The following FBXO41 variants were observed in gnomAD, a reference collection of about 807,000 sequenced individuals.
The protein encoded by FBXO41 is F-box protein 41.
Under a neutral mutation model 81.6 loss-of-function variants are expected in FBXO41, and 33 were observed. That is an observed-to-expected ratio of 0.40 (90% CI 0.31 to 0.54). FBXO41 has a LOEUF of 0.54. Ranked by LOEUF, FBXO41 falls within the 20% of genes least tolerant of loss-of-function variation. FBXO41 has a pLI of 0.39. For missense variants in FBXO41, 1,107 were observed against 1,236.0 expected (o/e 0.90, Z 1.56); for synonymous variants, 576 against 552.7 (o/e 1.04, Z -0.59).
At chr2:73,281,448 C>T (rs1688845067) in intron 1 of FBXO41, among the ~76,000 whole-genome samples, 1 of 152,192 alleles carries the variant, frequency 6.6e-6, no homozygotes, top group Non-Finnish European at 1.5e-5. Context: ...ATGTGCTCTC[C>T]TCCCACACTG....
rs1687862676 is a variant in FBXO41, at chr2:73,257,628, G to T, written c.*1354C>A. Reference sequence around the variant, plus strand: ...CGAAAGAACTTTCCAAATGAAAGTTGGCAGGACCCCCGGCCTCTGAGCTAC... The same window carrying T: ...CGAAAGAACTTTCCAAATGAAAGTTTGCAGGACCCCCGGCCTCTGAGCTAC... On this transcript the variant is annotated 3_prime_UTR_variant, in exon 13 of 13. Coordinates refer to ENST00000520530, the MANE Select transcript of FBXO41 (RefSeq NM_001371389.2). The surrounding 1 kb of genome is among the most constrained non-coding windows in gnomAD (Gnocchi z 4.6). 6.6e-6 allele frequency: 1 copy of T among 152,250 alleles called. No homozygotes were observed. The highest frequency in any genetic ancestry group is 1.5e-5 in the Non-Finnish European group (1 of 68,072). 9.4% of individuals were successfully genotyped at this position (152,250 alleles called of 1,614,324 possible). A position where few individuals can be genotyped will look rare whatever the true frequency, so the allele number is the denominator to read the frequency against.
chr2:73,263,089 C>G, intron 9 of FBXO41, 124 bp downstream of exon 9: 1 of 738,884 alleles, frequency 1.4e-6, no homozygotes, highest in Non-Finnish European at 2.1e-6. Context: ...CCTCAATGGA[C>G]AGATTAATGT....
chr2:73,254,969 C>CA lies in FBXO41; in HGVS notation c.*4012_*4013insT, dbSNP rs1687753725. 1 of 152,688 alleles carries CA rather than the reference C, an allele frequency of 6.5e-6. No individual in the cohort carries two copies. Among genetic ancestry groups the CA allele is most frequent in the African/African-American group, 2.4e-5 (1 of 41,462 alleles). 9.5% of individuals were successfully genotyped at this position (152,688 alleles called of 1,614,324 possible). A position where few individuals can be genotyped will look rare whatever the true frequency, so the allele number is the denominator to read the frequency against. On this transcript the variant is annotated 3_prime_UTR_variant, in exon 13 of 13. Transcript: ENST00000520530. ...TGTGCTTGGGGCTGGGGAAGCTACC[C>CA]TCTCACTCAGGCCCATTATAGCCTA...
At position 73,269,536 on chromosome 2, in the gene FBXO41, C is replaced by T; in HGVS notation, c.95G>A (p.Ser32Asn). 1.5e-6 allele frequency: 2 copies of T among 1,370,310 alleles called. No individual in the cohort carries two copies. The highest frequency in any genetic ancestry group is 1.9e-6 in the Non-Finnish European group (2 of 1,052,374). 84.9% of individuals were successfully genotyped at this position (1,370,310 alleles called of 1,614,324 possible). A position where few individuals can be genotyped will look rare whatever the true frequency, so the allele number is the denominator to read the frequency against. Residue 32 changes from serine to asparagine, a missense_variant, in exon 2 of 13, where the codon AGC (serine) becomes AAC (asparagine). This residue lies in a region of FBXO41 where 771 missense variants were observed against 789.2 expected (regional missense o/e 0.98). Coordinates refer to ENST00000520530, the MANE Select transcript of FBXO41 (RefSeq NM_001371389.2). The surrounding 1 kb of genome is among the most constrained non-coding windows in gnomAD (Gnocchi z 7.0). ...GATGTAGAGCGTCTCGTAGGTGTGGCTGTACTCCAGGTGCGCGCGCAGCGA... is the reference window on the plus strand; with the variant it reads ...GATGTAGAGCGTCTCGTAGGTGTGGTTGTACTCCAGGTGCGCGCGCAGCGA... ...LSSLRAHLEY[S>N]HTYETLYILS...
chr2:73,275,406 C>T (rs1051844398), intron 1 of FBXO41, among the ~76,000 whole-genome samples: 1 of 151,964 alleles, frequency 6.6e-6, no homozygotes, highest in Non-Finnish European at 1.5e-5. Context: ...TGGTCTTGAA[C>T]TCTTGACCTC....
intron 1 of FBXO41, among the ~76,000 whole-genome samples, chr2:73,275,978 G>T (rs545473660): frequency 2.6e-5 from 4 of 151,358 alleles, no homozygotes; most frequent in Admixed American, 2.6e-4. Flanking sequence ...GTAGAGGGGG[G>T]TTTCACCATG....
intron 1 of FBXO41, chr2:73,271,634 C>CCCAA (rs1553384725): frequency 2.7e-5 from 4 of 147,206 alleles, no homozygotes; most frequent in African/African-American, 5.1e-5. Flanking sequence ...CCCCCCCCCC[C>CCCAA]AACTTCTTTT....
At chr2:73,268,609 C>G in intron 2 of FBXO41, 117 bp downstream of exon 2, 1 of 1,010,372 alleles carries the variant, frequency 9.9e-7, no homozygotes, top group Non-Finnish European at 1.4e-6. Context: ...GGCCACGGAT[C>G]CTCTATTACA....
intron 1 of FBXO41, among the ~76,000 whole-genome samples, chr2:73,277,207 G>A (rs1365509058): frequency 6.6e-6 from 1 of 152,208 alleles, no homozygotes; most frequent in Non-Finnish European, 1.5e-5. Context: ...TTCACCCCAG[G>A]CCAGCCCTCC....
At chr2:73,272,422 A>AGTCAGCTC (rs1272524957) in intron 1 of FBXO41, 1 of 152,254 alleles carries the variant, frequency 6.6e-6, no homozygotes, top group Non-Finnish European at 1.5e-5. Flanking sequence ...TTCAAGCTAA[A>AGTCAGCTC]GTCAGCTCAA....
intron 9 of FBXO41, among the ~76,000 whole-genome samples, 189 bp downstream of exon 9, chr2:73,263,024 C>T (rs572882348): frequency 3.9e-5 from 6 of 152,180 alleles, no homozygotes; most frequent in African/African-American, 9.7e-5. Context: ...GGATTACAGG[C>T]GTGAGATACC....
At chr2:73,281,244 A>T (rs1688839641) in intron 1 of FBXO41, among the ~76,000 whole-genome samples, 1 of 152,200 alleles carries the variant, frequency 6.6e-6, no homozygotes, top group South Asian at 2.1e-4. Flanking sequence ...ATACTTATCT[A>T]CTAATGATTC....
chr2:73,265,571 G>A lies in FBXO41; in HGVS notation c.1275C>T (p.Pro425=). 6.4e-7 allele frequency: 1 copy of A among 1,561,204 alleles called. No homozygotes were observed. Among genetic ancestry groups the A allele is most frequent in the Non-Finnish European group, 8.6e-7 (1 of 1,156,078 alleles). The change falls in exon 5 of 13, where the codon CCC becomes CCT. Residue 425 remains proline (P), a synonymous_variant. Transcript: ENST00000520530. ...CCTCAGGGGCCCCCTCCTCTGGCCT[G>A]GGCAGCTCCAGACTGTCACTGTCAT... ...GCYDSDSLEL[P]RPEEGAPEDS...
At position 73,280,122 on chromosome 2, in the gene FBXO41, C is replaced by A. The variant is rs186694491; in HGVS notation, c.-139+4038G>T. ...CCTGGATAGCGACCCCCCCTGCCCC[C>A]GCCCCTCAACCCCAAAACGCCACCC... is the stretch of plus-strand genomic sequence containing the variant. On this transcript the variant is annotated intron_variant, in intron 1 of 12. Coordinates refer to ENST00000520530, the MANE Select transcript of FBXO41 (RefSeq NM_001371389.2). Among the ~76,000 whole-genome samples the A allele has an allele frequency of 3.4e-4, 52 of 152,062 alleles. 1 individual carries two copies. In the East Asian group the frequency reaches 8.4e-3, roughly 24 times the overall value.
In FBXO41 at chr2:73,269,566, A is replaced by G; in HGVS notation, c.65T>C (p.Leu22Pro). The G allele has an allele frequency of 7.4e-7, 1 of 1,350,340 alleles. No homozygotes were observed. Among genetic ancestry groups the G allele is most frequent in the Non-Finnish European group, 9.6e-7 (1 of 1,040,430 alleles). 83.6% of individuals were successfully genotyped at this position (1,350,340 alleles called of 1,614,324 possible). A position where few individuals can be genotyped will look rare whatever the true frequency, so the allele number is the denominator to read the frequency against. Residue 22 changes from leucine to proline, a missense_variant, in exon 2 of 13, where the codon CTG becomes CCG. Coordinates refer to ENST00000520530, the MANE Select transcript of FBXO41 (RefSeq NM_001371389.2). This position sits in a 1 kb window ranked among gnomAD's most constrained non-coding sequence, Gnocchi z 7.0. ...CTCCAGGTGCGCGCGCAGCGACGAC[A>G]GGCTCCGGAAGCGCTTGTGCTCCCC... is the stretch of plus-strand genomic sequence containing the variant. Reference protein sequence around the residue: ...RCGEHKRFRSLSSLRAHLEYS... With the variant: ...RCGEHKRFRSPSSLRAHLEYS...
At chr2:73,265,760 C>G in intron 4 of FBXO41, 120 bp from the exon 5 acceptor site, 3 of 1,431,144 alleles carry the variant, frequency 2.1e-6, no homozygotes, top group Non-Finnish European at 1.9e-6. Context: ...AAAGCCCCCT[C>G]TGGGTGTGGA....
At chr2:73,264,088 G>C in intron 6 of FBXO41, 35 bp from the exon 7 acceptor site, 1 of 1,563,744 alleles carries the variant, frequency 6.4e-7, no homozygotes. Flanking sequence ...GGAGATGAAG[G>C]GGTCTGAACT....
At chr2:73,277,393 G>A (rs1011019358) in intron 1 of FBXO41, among the ~76,000 whole-genome samples, 5 of 152,216 alleles carry the variant, frequency 3.3e-5, no homozygotes, top group Admixed American at 1.3e-4. Flanking sequence ...CAGAAGTGTT[G>A]TTCAAATTTC....
rs746216850 is a variant in FBXO41, at chr2:73,265,665, A to G, written c.1206-25T>C. 4 of 1,481,712 alleles carry G rather than the reference A, an allele frequency of 2.7e-6. No homozygotes were observed. In the African/African-American group the frequency reaches 4.2e-5, roughly 16 times the overall value. The allele number at this position is 1,481,712 out of a possible 1,614,324, so 91.8% of individuals were successfully genotyped here. On this transcript the variant is annotated intron_variant, in intron 4 of 12. Coordinates refer to ENST00000520530, the MANE Select transcript of FBXO41 (RefSeq NM_001371389.2). ...CCTGGGGCAGGGTGGACCACACAGT[A>G]AGGGGTAAGAGGCACCAGGCCTACC...
Sources: allele counts gnomAD v4.1 joint callset (sites outside exome capture counted in the v4.1 genomes callset), GRCh38; gene constraint gnomAD v4.1.1; regional missense constraint gnomAD v4.1.1; non-coding constraint Gnocchi (gnomAD v3.1); transcripts MANE v1.5; gene names NCBI Gene and HGNC (gene_info 2026-07-23, HGNC 2026-07-21).